COMMD1: variants seen among roughly 807,000 people sequenced by gnomAD.
COMMD1 encodes copper metabolism domain containing 1, also known as COMM domain-containing protein 1.
A neutral mutation model predicts 17.2 loss-of-function variants in COMMD1; 10 were observed. The ratio of observed to expected loss-of-function variants is 0.58; its 90% CI spans 0.36 to 0.99. The LOEUF is 0.99. Among genes scored for constraint, COMMD1 ranks in the 50% least tolerant of loss-of-function variants. The pLI, the probability that COMMD1 is intolerant of heterozygous loss-of-function variation, is 0.01. For synonymous variants in COMMD1, 97 were observed against 91.6 expected (o/e 1.06, Z -0.34); for missense variants, 270 against 231.8 (o/e 1.17, Z -1.07).
intron 1 of COMMD1, among the ~76,000 whole-genome samples, chr2:61,899,620 A>G (rs1031011624): frequency 3.3e-5 from 5 of 152,138 alleles, no homozygotes; most frequent in Non-Finnish European, 5.9e-5. Flanking sequence ...TTCTACACAT[A>G]CATTTGAGTA....
chr2:62,017,167 G>A (rs1234789511), intron 2 of COMMD1, among the ~76,000 whole-genome samples: 2 of 152,142 alleles, frequency 1.3e-5, no homozygotes, highest in African/African-American at 4.8e-5. Context: ...TGGATTATAA[G>A]TCAATAACAG....
At chr2:61,981,687 CAAG>C (rs1056188495) in intron 1 of COMMD1, among the ~76,000 whole-genome samples, 5 of 152,098 alleles carry the variant, frequency 3.3e-5, no homozygotes, top group Non-Finnish European at 7.3e-5. Context: ...TGAAGGTAGA[CAAG>C]AGAAGAATGA....
Position 62,092,460 on chromosome 2 carries a change from C to T in COMMD1, c.463-43371C>T, listed in dbSNP as rs144501873. 5.3e-5 allele frequency among the ~76,000 whole-genome samples: 8 copies of T among 152,168 alleles called. No individual in the cohort carries two copies. In the East Asian group the frequency reaches 5.8e-4, roughly 11 times the overall value. ...AGAGACTGGTTCAGAAGTCCAGGGGCGGTCAGGAAAGTGGTCAAGTGCTTG... is the reference window on the plus strand; with the variant it reads ...AGAGACTGGTTCAGAAGTCCAGGGGTGGTCAGGAAAGTGGTCAAGTGCTTG... On this transcript the variant is annotated intron_variant, in intron 2 of 2. Transcript: ENST00000311832.
rs1670657548 is a variant in COMMD1, at chr2:62,055,166, G to A, written c.462+54184G>A. 1.1e-4 allele frequency among the ~76,000 whole-genome samples: 17 copies of A among 152,334 alleles called. No individual in the cohort carries two copies. In the South Asian group the frequency reaches 3.5e-3, roughly 32 times the overall value. On this transcript the variant is annotated intron_variant, in intron 2 of 2. Transcript: ENST00000311832. ...TATAGTGGCAAGTGAGCTGCATCTG[G>A]TGGGAAGCTTTAAGTCGGGCTTTAT...
rs914378813 is a variant in COMMD1 at position 62,057,601 on chromosome 2, G to GT, written c.462+56626dup. 3.3e-5 allele frequency among the ~76,000 whole-genome samples: 5 copies of GT among 151,858 alleles called. No individual in the cohort carries two copies. The East Asian group carries it at 7.7e-4, about 23-fold the overall frequency. ...TTTATTTATTTTTATTTATATTTAA[G>GT]TTTTTTTAGAGATAGAGTCTTACTC... is the stretch of plus-strand genomic sequence containing the variant. On this transcript the variant is annotated intron_variant, in intron 2 of 2. Transcript: ENST00000311832.
Position 61,905,841 on chromosome 2 carries a change from A to T in COMMD1, c.163A>T (p.Met55Leu). The T allele has an allele frequency of 1.9e-6, 3 of 1,614,148 alleles. No homozygotes were observed. Among genetic ancestry groups the T allele is most frequent in the Non-Finnish European group, 2.5e-6 (3 of 1,180,030 alleles). ...GGAGTTCCGCCCCTTTCTGGCAAAG[A>T]TGAGGGGGATTCTTAAGGTACTGCT... ...PEEFRPFLAKMRGILKSIASA... is the reference protein window; with the variant it reads ...PEEFRPFLAKLRGILKSIASA... Residue 55 changes from methionine (M) to leucine (L), a missense_variant, in exon 1 of 3, where the codon ATG becomes TTG. Physicochemically the swap from Met to Leu is conservative, Grantham distance 15 (BLOSUM62 2). Transcript: ENST00000311832.
intron 1 of COMMD1, among the ~76,000 whole-genome samples, chr2:61,981,719 T>G (rs1189471125): frequency 1.3e-5 from 2 of 152,140 alleles, no homozygotes; most frequent in Non-Finnish European, 2.9e-5. Context: ...GCAGGGAAAC[T>G]CCTTTATAAA....
chr2:62,055,791 C>G (rs986145092), intron 2 of COMMD1, among the ~76,000 whole-genome samples: 2 of 152,158 alleles, frequency 1.3e-5, no homozygotes, highest in African/African-American at 4.8e-5. Flanking sequence ...GAACGTGTTC[C>G]TCTCAGCTAG....
Position 62,101,930 on chromosome 2 carries a change from C to T in COMMD1, c.463-33901C>T, listed in dbSNP as rs941953224. Among the ~76,000 whole-genome samples the T allele has an allele frequency of 2.0e-5, 3 of 152,210 alleles. No homozygotes were observed. In the South Asian group the frequency reaches 6.2e-4, roughly 32 times the overall value. On this transcript the variant is annotated intron_variant, in intron 2 of 2. Transcript: ENST00000311832. The stretch of plus-strand genomic sequence containing the variant: ...ATTGGCCATTGGTGATTAACTTAAT[C>T]TCCATCTCCTCTCCTCTCCCTGAAG...
intron 2 of COMMD1, among the ~76,000 whole-genome samples, chr2:62,096,617 T>C (rs2104010942): frequency 6.6e-6 from 1 of 152,356 alleles, no homozygotes; most frequent in Non-Finnish European, 1.5e-5. Flanking sequence ...GGAATCCAAC[T>C]CCTGCCTGTC....
intron 2 of COMMD1, among the ~76,000 whole-genome samples, chr2:62,114,970 A>T (rs1443630309): frequency 6.6e-6 from 1 of 152,138 alleles, no homozygotes; most frequent in Non-Finnish European, 1.5e-5. Flanking sequence ...TCCCTTTGGG[A>T]AAGTAAATAG....
chr2:62,054,329 C>T (rs762934489), intron 2 of COMMD1, among the ~76,000 whole-genome samples: 1 of 152,270 alleles, frequency 6.6e-6, no homozygotes, highest in African/African-American at 2.4e-5. Context: ...TTTGACCCAG[C>T]AGTGCCACTA....
chr2:61,969,915 A>G (rs544110369), intron 1 of COMMD1, among the ~76,000 whole-genome samples: 1 of 152,104 alleles, frequency 6.6e-6, no homozygotes, highest in South Asian at 2.1e-4. Flanking sequence ...TTGCAATATT[A>G]AAAACCTCCG....
intron 1 of COMMD1, among the ~76,000 whole-genome samples, chr2:61,981,483 T>A (rs941053601): frequency 1.3e-5 from 2 of 152,220 alleles, no homozygotes; most frequent in Non-Finnish European, 2.9e-5. Context: ...GGGTTCTCTA[T>A]TCTGTTCCAC....
At position 61,991,792 on chromosome 2, in the gene COMMD1, G is replaced by A. The variant is rs987326984; in HGVS notation, c.181-8909G>A. Among the ~76,000 whole-genome samples, 5 of 152,312 alleles carry A rather than the reference G, an allele frequency of 3.3e-5. No individual in the cohort carries two copies. The South Asian group carries it at 8.3e-4, about 25-fold the overall frequency. ...TAGTGCTGTTTGAGTGTCAAGTGCG[G>A]GAGGCAGGAAGTTGTAAGACACTAA... On this transcript the variant is annotated intron_variant, in intron 1 of 2. Coordinates refer to ENST00000311832, the MANE Select transcript of COMMD1 (RefSeq NM_152516.4).
At chr2:61,992,754 A>G (rs1209086332) in intron 1 of COMMD1, among the ~76,000 whole-genome samples, 1 of 152,172 alleles carries the variant, frequency 6.6e-6, no homozygotes, top group Non-Finnish European at 1.5e-5. Flanking sequence ...TGGGAGGGCA[A>G]TACTACCTGG....
chr2:62,126,098 A>T (rs1309435816), intron 2 of COMMD1, among the ~76,000 whole-genome samples: 1 of 152,076 alleles, frequency 6.6e-6, no homozygotes, highest in Non-Finnish European at 1.5e-5. Context: ...AAAGGACATG[A>T]TCTTATTCCT....
intron 2 of COMMD1, among the ~76,000 whole-genome samples, chr2:62,089,066 A>G (rs536767339): frequency 1.3e-5 from 2 of 152,248 alleles, no homozygotes; most frequent in South Asian, 2.1e-4. Context: ...GATTGTGGAG[A>G]CCAAGGTTCC....
intron 2 of COMMD1, among the ~76,000 whole-genome samples, chr2:62,079,495 C>T (rs572692736): frequency 7.2e-5 from 11 of 152,276 alleles, no homozygotes; most frequent in Admixed American, 3.3e-4. Flanking sequence ...TTCCCTTCAC[C>T]GGAAACATCT....
Sources: allele counts gnomAD v4.1 joint callset (sites outside exome capture counted in the v4.1 genomes callset), GRCh38; gene constraint gnomAD v4.1.1; transcripts MANE v1.5; gene names NCBI Gene and HGNC (gene_info 2026-07-23, HGNC 2026-07-21).